The following MDM4 variants were observed in gnomAD, a reference collection of about 807,000 sequenced individuals.
The protein encoded by MDM4 is MDM4 regulator of p53.
In MDM4, 2 loss-of-function variants were observed where a neutral mutation model predicts 60.2. The ratio of observed to expected loss-of-function variants is 0.03; its 90% CI spans 0.01 to 0.10. MDM4 has a LOEUF of 0.10. Among genes scored for constraint, MDM4 ranks in the 10% least tolerant of loss-of-function variants. The probability of loss-of-function intolerance (pLI) is 1.00; values close to 1 mark genes in which losing one functional copy is unlikely to be tolerated. For synonymous variants in MDM4, 202 were observed against 198.1 expected, an observed-to-expected ratio of 1.02 and a Z score of -0.17; for missense variants, 447 against 577.5, an observed-to-expected ratio of 0.77 and a Z score of 2.32.
chr1:204,540,056 C>A (rs1179177636), intron 7 of MDM4, among the ~76,000 whole-genome samples: 1 of 151,430 alleles, frequency 6.6e-6, no homozygotes, highest in East Asian at 2.0e-4. Context: ...CTGAGGTGGG[C>A]GGATCACGAG....
intron 1 of MDM4, among the ~76,000 whole-genome samples, chr1:204,520,319 A>T (rs1227947767): frequency 6.6e-6 from 1 of 151,548 alleles, no homozygotes; most frequent in East Asian, 1.9e-4. Flanking sequence ...TGACAGTAGG[A>T]ATTAATCTAT....
In MDM4 at chr1:204,530,678, A is replaced by T. The variant is rs1660773077; in HGVS notation, c.154-6A>T. On this transcript the variant is annotated splice_region_variant and splice_polypyrimidine_tract_variant and intron_variant, in intron 3 of 10. Transcript: ENST00000367182. ...AGATCACAACATGGTATTTTATTCC[A>T]TGCAGGTCATGCACTATTTAGGTCA... 6.2e-7 allele frequency: 1 copy of T among 1,614,042 alleles called. No homozygotes were observed. Among genetic ancestry groups the T allele is most frequent in the Non-Finnish European group, 8.5e-7 (1 of 1,180,022 alleles).
At chr1:204,518,447 C>T (rs1484722095) in intron 1 of MDM4, among the ~76,000 whole-genome samples, 1 of 152,220 alleles carries the variant, frequency 6.6e-6, no homozygotes, top group African/African-American at 2.4e-5. Context: ...CTGGATTTGA[C>T]TTATTAACTG....
chr1:204,529,257 G>C, intron 3 of MDM4: 3 of 731,600 alleles, frequency 4.1e-6, no homozygotes, highest in South Asian at 3.1e-5. Flanking sequence ...ACAAGGACCA[G>C]TTGCAGTTGA....
At chr1:204,541,441 TC>T (rs778185150) in intron 7 of MDM4, among the ~76,000 whole-genome samples, 2 of 151,988 alleles carry the variant, frequency 1.3e-5, no homozygotes, top group Non-Finnish European at 1.5e-5. Flanking sequence ...CAATATCATG[TC>T]ACTGCACTCC....
At chr1:204,532,956 C>T (rs1467389482) in intron 5 of MDM4, 11 of 925,724 alleles carry the variant, frequency 1.2e-5, no homozygotes, top group Non-Finnish European at 1.6e-5. Flanking sequence ...TGTTTAATCA[C>T]ATCAGAGTCA....
At chr1:204,530,942 C>G (rs1660793764) in intron 4 of MDM4, 125 bp downstream of exon 4, 3 of 1,209,244 alleles carry the variant, frequency 2.5e-6, no homozygotes, top group Non-Finnish European at 3.5e-6. Flanking sequence ...GTTAGGTAGC[C>G]TATGAGGCAC....
In MDM4 at chr1:204,550,024, T is replaced by G; in HGVS notation, c.*342T>G. The G allele has an allele frequency of 4.0e-6, 1 of 247,822 alleles. No homozygotes were observed. Among genetic ancestry groups the G allele is most frequent in the African/African-American group, 2.2e-5 (1 of 45,824 alleles). 15.4% of individuals were successfully genotyped at this position (247,822 alleles called of 1,614,324 possible). On this transcript the variant is annotated 3_prime_UTR_variant, in exon 11 of 11. Transcript: ENST00000367182. The stretch of plus-strand genomic sequence containing the variant: ...GTTTCCTTCTAACGAGTTGTAGAAA[T>G]CTGAGTAACCACCCAAAAAAGCAAT...
At chr1:204,525,158 A>C (rs983833531) in intron 1 of MDM4, among the ~76,000 whole-genome samples, 1 of 152,202 alleles carries the variant, frequency 6.6e-6, no homozygotes, top group African/African-American at 2.4e-5. Context: ...GCTCTACCTG[A>C]TAACCATTGG....
rs12118859 is a variant in MDM4, at chr1:204,557,593, G to A, written c.*7911G>A. The A allele has an allele frequency of 0.39, 65,992 of 171,134 alleles. 14,900 individuals carry two copies. The highest frequency in any genetic ancestry group is 0.48 in the Non-Finnish European group (38,175 of 79,120). 10.6% of individuals were successfully genotyped at this position (171,134 alleles called of 1,614,324 possible). A position where few individuals can be genotyped will look rare whatever the true frequency, so the allele number is the denominator to read the frequency against. ...AATTTTGTATTTTTAGTAGAGACAGGGTTTCACCATGTTGGCCAGGCTGGT... is the reference window on the plus strand; with the variant it reads ...AATTTTGTATTTTTAGTAGAGACAGAGTTTCACCATGTTGGCCAGGCTGGT... On this transcript the variant is annotated 3_prime_UTR_variant, in exon 11 of 11. Transcript: ENST00000367182.
At position 204,517,286 on chromosome 1, in the gene MDM4, A is replaced by G. The variant is rs139095143; in HGVS notation, c.-36+777A>G. 1.4e-3 allele frequency among the ~76,000 whole-genome samples: 209 copies of G among 152,046 alleles called. 3 individuals carry two copies. The East Asian group carries it at 0.03, about 22-fold the overall frequency. On this transcript the variant is annotated intron_variant, in intron 1 of 10. Transcript: ENST00000367182. ...ATGTTCGTTTTGGGGCCACACTGAA[A>G]CCTACAGACAGTATCGAGATGGGGC...
rs1437324117 is a variant in MDM4 at position 204,553,690 on chromosome 1, A to C, written c.*4008A>C. The C allele has an allele frequency of 4.4e-6, 1 of 227,648 alleles. No individual in the cohort carries two copies. The highest frequency in any genetic ancestry group is 2.2e-5 in the African/African-American group (1 of 45,228). The allele number at this position is 227,648 out of a possible 1,614,324, so 14.1% of individuals were successfully genotyped here. Reference sequence around the variant, plus strand: ...CAGAGCAGAGATGACAAATCATTAGAACAACGATGAATTTCAGTATTACGG... The same window carrying C: ...CAGAGCAGAGATGACAAATCATTAGCACAACGATGAATTTCAGTATTACGG... On this transcript the variant is annotated 3_prime_UTR_variant, in exon 11 of 11. Transcript: ENST00000367182.
intron 7 of MDM4, among the ~76,000 whole-genome samples, chr1:204,540,158 G>C (rs548292359): frequency 6.6e-6 from 1 of 151,906 alleles, no homozygotes; most frequent in African/African-American, 2.4e-5. Context: ...GGTGGCGGGC[G>C]CCCGTAGTCC....
rs1480666881 is a variant in MDM4, at chr1:204,553,750, CT to C, written c.*4069del. On this transcript the variant is annotated 3_prime_UTR_variant, in exon 11 of 11. Transcript: ENST00000367182. Reference sequence around the variant, plus strand: ...TCTTCTGTCTGAATATTAACTCACTCTCCTTCCAGTGTACTTCACAGTAATT... The same window carrying C: ...TCTTCTGTCTGAATATTAACTCACTCCCTTCCAGTGTACTTCACAGTAATT... 1.3e-5 allele frequency: 3 copies of C among 225,086 alleles called. No homozygotes were observed. The East Asian group carries it at 1.9e-4, about 14-fold the overall frequency. The allele number at this position is 225,086 out of a possible 1,614,324, so 13.9% of individuals were successfully genotyped here.
intron 2 of MDM4, among the ~76,000 whole-genome samples, 175 bp from the exon 3 acceptor site, chr1:204,526,185 G>A (rs1262173162): frequency 2.0e-5 from 3 of 152,144 alleles, no homozygotes; most frequent in African/African-American, 7.2e-5. Context: ...GAGTCTGGGA[G>A]GTTGAGGCTG....
intron 9 of MDM4, among the ~76,000 whole-genome samples, chr1:204,545,962 T>C (rs1662617330): frequency 6.6e-6 from 1 of 152,198 alleles, no homozygotes; most frequent in African/African-American, 2.4e-5. Flanking sequence ...GCTTTAAATT[T>C]TTAAATTCTA....
intron 8 of MDM4, among the ~76,000 whole-genome samples, 161 bp downstream of exon 8, chr1:204,543,105 C>T (rs1558331059): frequency 6.6e-6 from 1 of 152,164 alleles, no homozygotes; most frequent in South Asian, 2.1e-4. Context: ...TATCTCTAGT[C>T]CTTACCTCTT....
chr1:204,528,817 G>A, intron 3 of MDM4: 1 of 1,409,076 alleles, frequency 7.1e-7, no homozygotes, highest in South Asian at 1.2e-5. Flanking sequence ...GGTCCCTGGT[G>A]CACTCCACTC....
intron 3 of MDM4, among the ~76,000 whole-genome samples, chr1:204,526,878 T>C (rs1660239046): frequency 6.6e-6 from 1 of 152,220 alleles, no homozygotes; most frequent in African/African-American, 2.4e-5. Context: ...ACTTATACTC[T>C]GTTTTAAAGA....
Sources: allele counts gnomAD v4.1 joint callset (sites outside exome capture counted in the v4.1 genomes callset), GRCh38; gene constraint gnomAD v4.1.1; transcripts MANE v1.5; gene names NCBI Gene and HGNC (gene_info 2026-07-23, HGNC 2026-07-21).